C2: variants seen among roughly 807,000 people sequenced by gnomAD.
C2 encodes C3/C5 convertase.
C2 carries 64 observed loss-of-function variants against 85.2 expected under a neutral mutation model. The observed-to-expected ratio is 0.75, with a 90% CI of 0.61 to 0.92. The LOEUF (loss-of-function observed/expected upper bound fraction) is 0.92, where lower values mean the gene tolerates loss of function less well. Among genes scored for constraint, C2 ranks in the 40% least tolerant of loss-of-function variants. The probability of loss-of-function intolerance (pLI) is 0.00; values close to 1 mark genes in which losing one functional copy is unlikely to be tolerated. For missense variants in C2, 820 were observed against 971.6 expected, an observed-to-expected ratio of 0.84 and a Z score of 2.07; for synonymous variants, 311 against 370.8, an observed-to-expected ratio of 0.84 and a Z score of 1.85.
At chr6:31,930,540 G>A (rs1040574414) in intron 3 of C2, among the ~76,000 whole-genome samples, 1 of 152,196 alleles carries the variant, frequency 6.6e-6, no homozygotes, top group Non-Finnish European at 1.5e-5. Context: ...CATAGTTATT[G>A]CTGCCCCTGT....
chr6:31,941,527 T>G (rs1321080415), intron 9 of C2: 1 of 152,288 alleles, frequency 6.6e-6, no homozygotes, highest in African/African-American at 2.4e-5. Flanking sequence ...AGAGTCTCGC[T>G]CTGTCACCCA....
At position 31,935,626 on chromosome 6, in the gene C2, T is replaced by C. The variant is rs1020226783; in HGVS notation, c.850-297T>C. Among the ~76,000 whole-genome samples the C allele has an allele frequency of 3.3e-5, 5 of 152,082 alleles. No individual in the cohort carries two copies. Among genetic ancestry groups the C allele is most frequent in the African/African-American group, 1.2e-4 (5 of 41,404 alleles). ...CTGGGATTATAGGTGCTTGCCACCA[T>C]ACCAGGCTAATTTTTGTATTTTTAG... On this transcript the variant is annotated intron_variant, in intron 6 of 17. Transcript: ENST00000299367. This position sits in a 1 kb window ranked among gnomAD's most constrained non-coding sequence, Gnocchi z 4.3.
rs1769400722 is a variant in C2 at position 31,928,044 on chromosome 6, C to T, written c.136C>T (p.Leu46Phe). The T allele has an allele frequency of 2.5e-6, 4 of 1,614,060 alleles. No individual in the cohort carries two copies. The Admixed American group carries it at 6.7e-5, about 27-fold the overall frequency. ...CAGCCATGGCTGGGCTCCTGGGAGC[C>T]TTCTCACCTACTCCTGCCCCCAGGG... ...TLSHGWAPGSLLTYSCPQGLY... is the reference protein window; with the variant it reads ...TLSHGWAPGSFLTYSCPQGLY... Residue 46 changes from leucine to phenylalanine, a missense_variant, in exon 2 of 18, where the codon CTT becomes TTT. Coordinates refer to ENST00000299367, the MANE Select transcript of C2 (RefSeq NM_000063.6).
chr6:31,933,745 G>A lies in C2; in HGVS notation c.578G>A (p.Gly193Asp). ...GGGTCTTCGGAGCGGGAGTGCCAGG[G>A]CAACGGGGTCTGGAGTGGAACGGAG... ...LTGSSERECQ[G>D]NGVWSGTEPI... Residue 193 changes from glycine to aspartate, a missense_variant, in exon 4 of 18, where the codon GGC becomes GAC. By Grantham distance (94) the Gly-to-Asp change is moderately conservative. Coordinates refer to ENST00000299367, the MANE Select transcript of C2 (RefSeq NM_000063.6). 1 of 1,613,688 alleles carries A rather than the reference G, an allele frequency of 6.2e-7. No individual in the cohort carries two copies. The highest frequency in any genetic ancestry group is 8.5e-7 in the Non-Finnish European group (1 of 1,180,038).
chr6:31,900,217 G>A (rs774937056), upstream of C2: 1 of 1,614,022 alleles, frequency 6.2e-7, no homozygotes, highest in Non-Finnish European at 8.5e-7. The surrounding 1 kb of genome is among the most constrained non-coding windows in gnomAD (Gnocchi z 9.7). Context: ...GCTTGCCACA[G>A]CGAGGGCACA....
chr6:31,937,770 A>C (rs1191550948), intron 8 of C2, among the ~76,000 whole-genome samples: 29 of 151,372 alleles, frequency 1.9e-4, no homozygotes, highest in Non-Finnish European at 1.5e-5. Flanking sequence ...TGGGAGGCCA[A>C]AGCGGGTGGA....
At chr6:31,914,162 C>A (rs184366037) in intron 1 of C2, among the ~76,000 whole-genome samples, 1 of 151,646 alleles carries the variant, frequency 6.6e-6, no homozygotes, top group East Asian at 2.0e-4. Flanking sequence ...CCGCCTGCCT[C>A]GGCCTCTCAA....
In C2 at chr6:31,928,765, A is replaced by G. The variant is rs1769475126; in HGVS notation, c.290A>G (p.Asn97Ser). The change falls in exon 3 of 18, where the codon AAT (asparagine) becomes AGT (serine). Residue 97 changes from asparagine to serine, a missense_variant. Transcript: ENST00000299367. Reference sequence around the variant, plus strand: ...TGTCCAGCCCCTGTCTCCTTTGAGAATGGCATTTATACCCCACGGCTGGGG... The same window carrying G: ...TGTCCAGCCCCTGTCTCCTTTGAGAGTGGCATTTATACCCCACGGCTGGGG... ...VRCPAPVSFE[N>S]GIYTPRLGSY... 6.2e-7 allele frequency: 1 copy of G among 1,614,224 alleles called. No homozygotes were observed. Among genetic ancestry groups the G allele is most frequent in the East Asian group, 2.2e-5 (1 of 44,888 alleles).
chr6:31,945,118 G>A lies in C2; in HGVS notation c.2080-60G>A, dbSNP rs1771270616. On this transcript the variant is annotated intron_variant, in intron 17 of 17. Transcript: ENST00000299367. The surrounding 1 kb of genome is among the most constrained non-coding windows in gnomAD (Gnocchi z 5.3). ...GGGAGGCCTTTGAGGGATCTAGGGA[G>A]GTTGGGGCTTACAGTTGGGGCTGTG... The A allele has an allele frequency of 3.7e-6, 6 of 1,609,732 alleles. No individual in the cohort carries two copies. In the South Asian group the frequency reaches 5.5e-5, roughly 15 times the overall value.
At chr6:31,900,786 G>A (rs765085960), upstream of C2, 400 of 1,592,832 alleles carry the variant, frequency 2.5e-4, no homozygotes, top group Non-Finnish European at 3.3e-4. This position sits in a 1 kb window ranked among gnomAD's most constrained non-coding sequence, Gnocchi z 9.7. Context: ...AGGAGTGGAG[G>A]GGGTAGAGGA....
At chr6:31,931,068 C>T (rs1769698234) in intron 3 of C2, among the ~76,000 whole-genome samples, 1 of 152,172 alleles carries the variant, frequency 6.6e-6, no homozygotes, top group Non-Finnish European at 1.5e-5. Flanking sequence ...TGGTCTGTTG[C>T]TTCTGGCATC....
At chr6:31,937,151 G>A (rs1192571941) in intron 7 of C2, 168 bp from the exon 8 acceptor site, 2 of 641,326 alleles carry the variant, frequency 3.1e-6, no homozygotes, top group Admixed American at 2.6e-5. Context: ...GGAGGTTGCA[G>A]TCAGCCAAGA....
rs866786906 is a variant in C2 at position 31,932,238 on chromosome 6, C to G, written c.443-1372C>G. The G allele has an allele frequency of 6.6e-3, 966 of 145,462 alleles. 12 individuals are homozygous for G. The highest frequency in any genetic ancestry group is 0.058 in the Middle Eastern group (12 of 206). 9.0% of individuals were successfully genotyped at this position (145,462 alleles called of 1,614,324 possible). A position where few individuals can be genotyped will look rare whatever the true frequency, so the allele number is the denominator to read the frequency against. Reference sequence around the variant, plus strand: ...TTCCCGGACGGGGCGGCTGGCCGGGCTGGGGGCTGACCCCCCCACCTCCCT... The same window carrying G: ...TTCCCGGACGGGGCGGCTGGCCGGGGTGGGGGCTGACCCCCCCACCTCCCT... On this transcript the variant is annotated intron_variant, in intron 3 of 17. Transcript: ENST00000299367.
rs773729797 is a variant in C2, at chr6:31,932,230, TG to T, written c.443-1378del. ...CCCCTCACTTCCCGGACGGGGCGGC[TG>T]GCCGGGCTGGGGGCTGACCCCCCCA... On this transcript the variant is annotated intron_variant, in intron 3 of 17. Transcript: ENST00000299367. 1.5e-3 allele frequency: 201 copies of T among 134,694 alleles called. 2 individuals are homozygous for T. In the Middle Eastern group the frequency reaches 0.017, roughly 11 times the overall value. 8.3% of individuals were successfully genotyped at this position (134,694 alleles called of 1,614,324 possible). A position where few individuals can be genotyped will look rare whatever the true frequency, so the allele number is the denominator to read the frequency against.
At position 31,930,012 on chromosome 6, in the gene C2, A is replaced by AAAAC. The variant is rs9332713; in HGVS notation, c.442+1119_442+1122dup. 8.1e-3 allele frequency among the ~76,000 whole-genome samples: 1,219 copies of AAAAC among 151,082 alleles called. 15 individuals carry two copies. Among genetic ancestry groups the AAAAC allele is most frequent in the African/African-American group, 0.026 (1,081 of 41,044 alleles). On this transcript the variant is annotated intron_variant, in intron 3 of 17. Transcript: ENST00000299367. ...GGGTGACAGAGTGAGACTCTGTCTC[A>AAAAC]AAACAAACAAACAAACAAACAAACA...
chr6:31,943,483 G>GAC lies in C2; in HGVS notation c.1523_1524insAC (p.Cys508Ter), dbSNP rs1306959834. 1.2e-6 allele frequency: 2 copies of GAC among 1,612,978 alleles called. No individual in the cohort carries two copies. Among genetic ancestry groups the GAC allele is most frequent in the African/African-American group, 2.7e-5 (2 of 74,932 alleles). The change falls in exon 12 of 18, where the codon TGC becomes TGACC. Residue 508 changes from cysteine to a stop codon, truncating the protein, a stop_gained and frameshift_variant. Coordinates refer to ENST00000299367, the MANE Select transcript of C2 (RefSeq NM_000063.6). LOFTEE classifies it high-confidence loss of function. The surrounding 1 kb of genome is among the most constrained non-coding windows in gnomAD (Gnocchi z 6.4). Reference sequence around the variant, plus strand: ...CAATGGGTCCTGACAGCAGCTCATTGCTTCCGCGATGGCAACGACCACTCC... The same window carrying GAC: ...CAATGGGTCCTGACAGCAGCTCATTGACCTTCCGCGATGGCAACGACCACTCC... ...SDQWVLTAAH[C>*]FRDGNDHSLW... is the part of the protein sequence containing the mutation.
chr6:31,944,917 G>C lies in C2; in HGVS notation c.2030-63G>C. On this transcript the variant is annotated intron_variant, in intron 16 of 17. Coordinates refer to ENST00000299367, the MANE Select transcript of C2 (RefSeq NM_000063.6). The surrounding 1 kb of genome is among the most constrained non-coding windows in gnomAD (Gnocchi z 5.1). The stretch of plus-strand genomic sequence containing the variant: ...CCACCTGTGTCTCTGTGGCCAGCAT[G>C]CATGCCAGAACACCAGTCCACTGCC... 6.2e-7 allele frequency: 1 copy of C among 1,612,786 alleles called. No homozygotes were observed. Among genetic ancestry groups the C allele is most frequent in the Non-Finnish European group, 8.5e-7 (1 of 1,179,762 alleles).
In C2 at chr6:31,945,453, C is replaced by T; in HGVS notation, c.*96C>T. ...ACCCTTAGACCCTGTGATCCATCCT[C>T]TCTCCTAGCTGAGTAAATCCGGGTC... On this transcript the variant is annotated 3_prime_UTR_variant, in exon 18 of 18. Coordinates refer to ENST00000299367, the MANE Select transcript of C2 (RefSeq NM_000063.6). The surrounding 1 kb of genome is among the most constrained non-coding windows in gnomAD (Gnocchi z 5.3). 8.5e-7 allele frequency: 1 copy of T among 1,183,344 alleles called. No individual in the cohort carries two copies. The highest frequency in any genetic ancestry group is 1.2e-6 in the Non-Finnish European group (1 of 801,530). 73.3% of individuals were successfully genotyped at this position (1,183,344 alleles called of 1,614,324 possible).
chr6:31,905,042 A>C (rs1001144350), intron 1 of C2, among the ~76,000 whole-genome samples: 1 of 152,044 alleles, frequency 6.6e-6, no homozygotes, highest in African/African-American at 2.4e-5. Flanking sequence ...TTCTTCCCCA[A>C]CTTCTGCCAG....
Sources: gnomAD v4.1 joint callset for allele counts (sites outside exome capture counted in the v4.1 genomes callset) on GRCh38, gnomAD v4.1.1 for gene constraint, Gnocchi (gnomAD v3.1) non-coding constraint, MANE v1.5 for transcripts, NCBI Gene and HGNC (gene_info 2026-07-23, HGNC 2026-07-21) for gene names.